Variants in CMYA5 observed in about 807,000 individuals in gnomAD.
CMYA5 encodes the protein cardiomyopathy-associated protein 5.
Under a neutral mutation model 318.9 loss-of-function variants are expected in CMYA5, and 246 were observed. The observed-to-expected ratio is 0.77, with a 90% confidence interval of 0.70 to 0.86. The LOEUF is 0.86. CMYA5 is among the 40% of genes least tolerant of loss of function. The pLI is 0.00. For synonymous variants in CMYA5, 1,641 were observed against 1,729.5 expected, an observed-to-expected ratio of 0.95 and a Z score of 1.27; for missense variants, 4,589 against 4,678.2, an observed-to-expected ratio of 0.98 and a Z score of 0.56.
chr5:79,697,424 A>G (rs1206302229), intron 1 of CMYA5, among the ~76,000 whole-genome samples: 1 of 152,220 alleles, frequency 6.6e-6, no homozygotes, highest in East Asian at 1.9e-4. Context: ...TTATCCTAGA[A>G]GGGACTTCAG....
rs191675533 is a variant in CMYA5 at position 79,732,785 on chromosome 5, A to G, written c.4020A>G (p.Ser1340=). The change falls in exon 2 of 13, where the codon TCA becomes TCG. Residue 1340 remains serine (S), a synonymous_variant. Transcript: ENST00000446378. ...CTGCACTAGCATTTTCAGCTTTGTC[A>G]GAAGAAATTAAAAAAGAAATTGAAC... ...GPPALAFSAL[S]EEIKKEIEPS... The G allele has an allele frequency of 1.2e-6, 2 of 1,613,744 alleles. No individual in the cohort carries two copies. The highest frequency in any genetic ancestry group is 1.1e-5 in the South Asian group (1 of 91,038).
chr5:79,695,407 T>A (rs1203099843), intron 1 of CMYA5, among the ~76,000 whole-genome samples: 2 of 152,258 alleles, frequency 1.3e-5, no homozygotes, highest in Admixed American at 6.5e-5. Context: ...ATGTAATCAG[T>A]GTAAAACTTA....
Position 79,799,376 on chromosome 5 carries a change from A to G in CMYA5, c.11970A>G (p.Thr3990=), listed in dbSNP as rs756744832. The G allele has an allele frequency of 1.7e-5, 27 of 1,588,798 alleles. No individual in the cohort carries two copies. The highest frequency in any genetic ancestry group is 2.2e-5 in the Non-Finnish European group (26 of 1,160,894). The change falls in exon 13 of 13, where the codon ACA becomes ACG. Residue 3990 remains threonine, a synonymous_variant. Coordinates refer to ENST00000446378, the MANE Select transcript of CMYA5 (RefSeq NM_153610.5). ...YMHCSEPQRY[T]FFYSGIVSDV... Reference sequence around the variant, plus strand: ...CCATTCGCTTTCATTTCAGATACACATTTTTCTACAGTGGTATTGTGAGTG... The same window carrying G: ...CCATTCGCTTTCATTTCAGATACACGTTTTTCTACAGTGGTATTGTGAGTG...
At position 79,729,959 on chromosome 5, in the gene CMYA5, T is replaced by A. The variant is rs781363406; in HGVS notation, c.1194T>A (p.Cys398Ter). 6 of 1,611,384 alleles carry A rather than the reference T, an allele frequency of 3.7e-6. No homozygotes were observed. Among genetic ancestry groups the A allele is most frequent in the Admixed American group, 3.3e-5 (2 of 60,006 alleles). ...TMFLRTTKEE[C>*]ELASPGTAAS... ...TCCTGAGAACAACAAAGGAAGAATG[T>A]GAGCTTGCTTCACCAGGAACTGCAG... Residue 398 changes from cysteine (C) to a stop codon, truncating the protein, a stop_gained, in exon 2 of 13, where the codon TGT (cysteine) becomes TGA (stop). Transcript: ENST00000446378. LOFTEE classifies it high-confidence loss of function.
At position 79,732,926 on chromosome 5, in the gene CMYA5, C is replaced by G. The variant is rs780277989; in HGVS notation, c.4161C>G (p.Val1387=). 6.2e-7 allele frequency: 1 copy of G among 1,613,706 alleles called. No individual in the cohort carries two copies. The highest frequency in any genetic ancestry group is 1.1e-5 in the South Asian group (1 of 91,044). The part of the protein sequence containing the change: ...SSLITPVDRP[V]LTKVGKGELG... ...TTATCACTCCTGTAGATCGTCCAGT[C>G]TTAACAAAAGTAGGAAAGGGTGAAT... Residue 1387 remains valine, a synonymous_variant, in exon 2 of 13, where the codon GTC becomes GTG. Transcript: ENST00000446378.
Position 79,758,760 on chromosome 5 carries a change from G to A in CMYA5, c.11118G>A (p.Gln3706=). ...AACTTGTTTATATTCCAGTTCCACA[G>A]CCTCCTAGATTAGAACCTCAGGAAC... The part of the protein sequence containing the change: ...DQMLKQVAVP[Q]PPRLEPQEPN... The change falls in exon 7 of 13, where the codon CAG becomes CAA. Residue 3706 remains glutamine, a synonymous_variant. Coordinates refer to ENST00000446378, the MANE Select transcript of CMYA5 (RefSeq NM_153610.5). The A allele has an allele frequency of 6.3e-7, 1 of 1,595,692 alleles. No individual in the cohort carries two copies. The highest frequency in any genetic ancestry group is 1.1e-5 in the South Asian group (1 of 87,080).
In CMYA5 at chr5:79,730,549, T is replaced by A. The variant is rs369392741; in HGVS notation, c.1784T>A (p.Val595Glu). Residue 595 changes from valine (V) to glutamate (E), a missense_variant, in exon 2 of 13, where the codon GTA becomes GAA. By Grantham distance (121) the Val-to-Glu change is moderately radical. Transcript: ENST00000446378. ...IASVSTGSAF[V>E]SEYSVPQDLN... is the part of the protein sequence containing the mutation. ...TCTGTTTCTACTGGTTCTGCTTTTG[T>A]ATCAGAGTATTCAGTACCACAGGAT... is the stretch of plus-strand genomic sequence containing the variant. The A allele has an allele frequency of 3.1e-6, 5 of 1,613,876 alleles. No individual in the cohort carries two copies. Among genetic ancestry groups the A allele is most frequent in the Non-Finnish European group, 4.2e-6 (5 of 1,179,892 alleles).
intron 9 of CMYA5, among the ~76,000 whole-genome samples, chr5:79,771,069 A>G (rs1313453391): frequency 2.8e-5 from 3 of 107,380 alleles, no homozygotes; most frequent in East Asian, 4.5e-4. Flanking sequence ...GGGAGAGAGG[A>G]AAAAAAAAAA....
intron 9 of CMYA5, among the ~76,000 whole-genome samples, chr5:79,787,181 A>G (rs749907870): frequency 6.6e-6 from 1 of 152,108 alleles, no homozygotes; most frequent in Non-Finnish European, 1.5e-5. Context: ...TCTAAAGCTA[A>G]AATTTCCCCA....
chr5:79,701,778 A>G (rs1487451124), intron 1 of CMYA5, among the ~76,000 whole-genome samples: 1 of 152,230 alleles, frequency 6.6e-6, no homozygotes, highest in Non-Finnish European at 1.5e-5. Flanking sequence ...TATTCATAGC[A>G]TCATTATTCA....
intron 6 of CMYA5, among the ~76,000 whole-genome samples, chr5:79,758,122 CA>C (rs1484539590): frequency 4.0e-5 from 6 of 151,364 alleles, no homozygotes; most frequent in African/African-American, 1.5e-4. Flanking sequence ...CCCAGCTACT[CA>C]GGAGGCTGAG....
Position 79,737,326 on chromosome 5 carries a change from C to G in CMYA5, c.8561C>G (p.Ser2854Cys). Residue 2854 changes from serine to cysteine, a missense_variant, in exon 2 of 13, where the codon TCT becomes TGT. This residue lies in a region of CMYA5 where 2,431 missense variants were observed against 2,495.1 expected (regional missense o/e 0.97). Transcript: ENST00000446378. ...CATACAGTTCATACTATTCAGACATCTAAAGATGACACATCCGATGTGCCT... is the reference window on the plus strand; with the variant it reads ...CATACAGTTCATACTATTCAGACATGTAAAGATGACACATCCGATGTGCCT... ...ERHTVHTIQTSKDDTSDVPKQ... is the reference protein window; with the variant it reads ...ERHTVHTIQTCKDDTSDVPKQ... The G allele has an allele frequency of 8.1e-6, 13 of 1,613,768 alleles. No individual in the cohort carries two copies. The highest frequency in any genetic ancestry group is 9.3e-6 in the Non-Finnish European group (11 of 1,179,784).
In CMYA5 at chr5:79,729,626, A is replaced by T. The variant is rs760642927; in HGVS notation, c.861A>T (p.Leu287Phe). The stretch of plus-strand genomic sequence containing the variant: ...ATACAGTGTCCAAAACACGCAAATT[A>T]GTAGCCCAAAGCATAGAGGATAAAG... ...GSNTVSKTRK[L>F]VAQSIEDKVK... Residue 287 changes from leucine (L) to phenylalanine (F), a missense_variant, in exon 2 of 13, where the codon TTA (leucine) becomes TTT (phenylalanine). Transcript: ENST00000446378. 2.5e-6 allele frequency: 4 copies of T among 1,613,814 alleles called. No homozygotes were observed. Among genetic ancestry groups the T allele is most frequent in the Non-Finnish European group, 3.4e-6 (4 of 1,179,854 alleles).
At chr5:79,756,094 G>A (rs1375198415) in intron 6 of CMYA5, among the ~76,000 whole-genome samples, 1 of 152,116 alleles carries the variant, frequency 6.6e-6, no homozygotes, top group Non-Finnish European at 1.5e-5. Flanking sequence ...TCCTTTCATA[G>A]ACCTGGGTAA....
chr5:79,703,454 C>G (rs2151076235), intron 1 of CMYA5, among the ~76,000 whole-genome samples: 2 of 152,314 alleles, frequency 1.3e-5, no homozygotes, highest in South Asian at 4.1e-4. Context: ...CTTGGTATTT[C>G]TGCTTTGAGG....
chr5:79,756,289 TACCTCTGTG>T (rs1264621480), intron 6 of CMYA5, among the ~76,000 whole-genome samples: 4 of 152,186 alleles, frequency 2.6e-5, no homozygotes, highest in African/African-American at 9.7e-5. Context: ...CCTCAGGTCT[TACCTCTGTG>T]GCCTCTGTGG....
intron 10 of CMYA5, 44 bp from the exon 11 acceptor site, chr5:79,790,926 G>GCA: frequency 7.4e-7 from 1 of 1,343,732 alleles, no homozygotes; most frequent in East Asian, 2.3e-5. Flanking sequence ...GACAGCACTG[G>GCA]TCCTTGTGGC....
At chr5:79,740,319 G>A (rs1054547822) in intron 2 of CMYA5, among the ~76,000 whole-genome samples, 1 of 152,168 alleles carries the variant, frequency 6.6e-6, no homozygotes, top group African/African-American at 2.4e-5. Flanking sequence ...CACTGCCCTT[G>A]AGGAGCTTGG....
chr5:79,791,354 G>A (rs1040206517), intron 11 of CMYA5, among the ~76,000 whole-genome samples: 4 of 151,426 alleles, frequency 2.6e-5, no homozygotes, highest in African/African-American at 9.7e-5. Context: ...GTTCAGTGGG[G>A]GAAAAAAAGG....
Sources: allele counts gnomAD v4.1 joint callset (sites outside exome capture counted in the v4.1 genomes callset), GRCh38; gene constraint gnomAD v4.1.1; regional missense constraint gnomAD v4.1.1; transcripts MANE v1.5; gene names NCBI Gene and HGNC (gene_info 2026-07-23, HGNC 2026-07-21).